The following ARHGAP17 variants were observed in gnomAD, a reference collection of about 807,000 sequenced individuals.
ARHGAP17 encodes the protein Rho GTPase activating protein 17, also known as rho GTPase-activating protein 17.
ARHGAP17 carries 57 observed loss-of-function variants against 99.5 expected under a neutral mutation model. The ratio of observed to expected loss-of-function variants is 0.57; its 90% CI spans 0.46 to 0.71. The LOEUF (loss-of-function observed/expected upper bound fraction) is 0.71. Among genes scored for constraint, ARHGAP17 ranks in the 30% least tolerant of loss-of-function variants. ARHGAP17 has a pLI of 0.00. For missense variants in ARHGAP17, 1,000 were observed against 1,122.4 expected (o/e 0.89, Z 1.56); for synonymous variants, 417 against 429.6 (o/e 0.97, Z 0.36).
chr16:24,950,836 C>CAAACAAAAAAA (rs1386246671), intron 12 of ARHGAP17, among the ~76,000 whole-genome samples: 1 of 39,434 alleles, frequency 2.5e-5, no homozygotes, highest in African/African-American at 1.0e-4. Flanking sequence ...GACTCCAACT[C>CAAACAAAAAAA]AAAAAAAAAA....
At chr16:24,930,580 C>T in intron 19 of ARHGAP17, 1 of 924,826 alleles carries the variant, frequency 1.1e-6, no homozygotes, top group Non-Finnish European at 1.8e-6. Flanking sequence ...AGCACCAATG[C>T]AGCCACAGAC....
At chr16:24,927,044 C>G (rs1252183808) in intron 19 of ARHGAP17, among the ~76,000 whole-genome samples, 1 of 152,008 alleles carries the variant, frequency 6.6e-6, no homozygotes, top group Non-Finnish European at 1.5e-5. Context: ...GCTGAGGAGG[C>G]CGGATCACCT....
At chr16:24,957,488 T>G (rs1447221725) in intron 9 of ARHGAP17, 1 of 152,118 alleles carries the variant, frequency 6.6e-6, no homozygotes, top group East Asian at 1.9e-4. Context: ...TAATCCTTCT[T>G]GAAGAAAAAT....
chr16:24,974,368 T>C (rs1567242660), intron 3 of ARHGAP17, among the ~76,000 whole-genome samples: 1 of 152,162 alleles, frequency 6.6e-6, no homozygotes, highest in Non-Finnish European at 1.5e-5. Flanking sequence ...TGGTGGAGGA[T>C]GCAGTGAGCC....
At chr16:24,941,935 G>A (rs367895064) in intron 16 of ARHGAP17, 52 bp downstream of exon 16, 112 of 1,611,324 alleles carry the variant, frequency 7.0e-5, no homozygotes, top group Non-Finnish European at 9.2e-5. Flanking sequence ...CAGATACCAC[G>A]GGTCTAACAA....
At chr16:24,967,342 T>TA in intron 6 of ARHGAP17, among the ~76,000 whole-genome samples, 1 of 152,344 alleles carries the variant, frequency 6.6e-6, no homozygotes, top group East Asian at 1.9e-4. Context: ...GTTAAGCAGT[T>TA]ACAACAGGGA....
chr16:24,993,092 A>C (rs2053096249), intron 1 of ARHGAP17, among the ~76,000 whole-genome samples: 1 of 152,224 alleles, frequency 6.6e-6, no homozygotes, highest in African/African-American at 2.4e-5. Context: ...CTAAAATCTT[A>C]ACGTGCTGGC....
intron 12 of ARHGAP17, among the ~76,000 whole-genome samples, chr16:24,950,935 A>T (rs1031870568): frequency 6.6e-6 from 1 of 152,148 alleles, no homozygotes; most frequent in African/African-American, 2.4e-5. Context: ...ACTGATCAGA[A>T]ATAAGTGGCT....
chr16:24,921,087 C>T (rs1401465109), intron 19 of ARHGAP17: 4 of 152,244 alleles, frequency 2.6e-5, no homozygotes, highest in African/African-American at 9.6e-5. Flanking sequence ...GTCTCAGATT[C>T]ATTTATGCAT....
intron 18 of ARHGAP17, 129 bp from the exon 19 acceptor site, chr16:24,931,533 G>GACCACC: frequency 1.1e-6 from 1 of 905,004 alleles, no homozygotes. Flanking sequence ...ATGAGAGGTG[G>GACCACC]TCAGGAGGGC....
At chr16:24,957,408 G>A (rs189347400) in intron 9 of ARHGAP17, 3 of 152,420 alleles carry the variant, frequency 2.0e-5, no homozygotes, top group Admixed American at 2.0e-4. Flanking sequence ...GGGTGGGAGA[G>A]AACAGAGGTG....
chr16:25,008,028 C>G (rs928549638), intron 1 of ARHGAP17, among the ~76,000 whole-genome samples: 31 of 152,232 alleles, frequency 2.0e-4, no homozygotes, highest in African/African-American at 7.0e-4. Flanking sequence ...CCTGGCACTT[C>G]GGTTTGTGAC....
At chr16:24,991,119 GAGTT>G (rs1364775463) in intron 1 of ARHGAP17, among the ~76,000 whole-genome samples, 2 of 152,200 alleles carry the variant, frequency 1.3e-5, no homozygotes, top group African/African-American at 4.8e-5. Context: ...TCAGAACTAA[GAGTT>G]AGGGCTCTGG....
rs770299713 is a variant in ARHGAP17, at chr16:24,953,053, T to C, written c.853-11A>G. 2 of 1,613,478 alleles carry C rather than the reference T, an allele frequency of 1.2e-6. No homozygotes were observed. Among genetic ancestry groups the C allele is most frequent in the South Asian group, 2.2e-5 (2 of 91,066 alleles). ...AATTCGGAAAAGGCCCTAAAGATAA[T>C]GAAAAGCCATCAGCATCAAGTGCAG... On this transcript the variant is annotated splice_polypyrimidine_tract_variant and intron_variant, in intron 10 of 19. Coordinates refer to ENST00000289968, the MANE Select transcript of ARHGAP17 (RefSeq NM_001006634.3).
At chr16:24,933,060 G>C (rs765190992) in intron 18 of ARHGAP17, among the ~76,000 whole-genome samples, 1 of 152,188 alleles carries the variant, frequency 6.6e-6, no homozygotes, top group Non-Finnish European at 1.5e-5. Context: ...GAGGCTTGAA[G>C]AGGGCCAGTG....
chr16:24,934,853 CTTAGT>C (rs2051091462), intron 18 of ARHGAP17, among the ~76,000 whole-genome samples: 2 of 152,246 alleles, frequency 1.3e-5, no homozygotes, highest in South Asian at 4.1e-4. Flanking sequence ...AGGGGATGAA[CTTAGT>C]TCATTCAAGG....
intron 18 of ARHGAP17, among the ~76,000 whole-genome samples, chr16:24,934,237 T>C (rs1389595576): frequency 6.6e-6 from 1 of 152,172 alleles, no homozygotes; most frequent in Non-Finnish European, 1.5e-5. Flanking sequence ...CTTGGCTCAC[T>C]GCAACCTCTG....
chr16:24,992,995 C>T (rs1346196980), intron 1 of ARHGAP17, among the ~76,000 whole-genome samples: 1 of 152,036 alleles, frequency 6.6e-6, no homozygotes, highest in Admixed American at 6.5e-5. Flanking sequence ...CAGACAGGTT[C>T]TCGCTATGTT....
chr16:24,920,123 G>A lies in ARHGAP17; in HGVS notation c.*7C>T. 2 of 1,612,092 alleles carry A rather than the reference G, an allele frequency of 1.2e-6. No homozygotes were observed. Among genetic ancestry groups the A allele is most frequent in the Non-Finnish European group, 1.7e-6 (2 of 1,178,590 alleles). ...GGAAGTGGTGGAGGGCTGGGAAAGGGCTTTCTTCACAGGGCAGTGCTCTCG... is the reference window on the plus strand; with the variant it reads ...GGAAGTGGTGGAGGGCTGGGAAAGGACTTTCTTCACAGGGCAGTGCTCTCG... On this transcript the variant is annotated 3_prime_UTR_variant, in exon 20 of 20. Transcript: ENST00000289968.
Sources: gnomAD v4.1 joint callset for allele counts (sites outside exome capture counted in the v4.1 genomes callset) on GRCh38, gnomAD v4.1.1 for gene constraint, MANE v1.5 for transcripts, NCBI Gene and HGNC (gene_info 2026-07-23, HGNC 2026-07-21) for gene names.